The following PINX1 variants were observed in gnomAD, a reference collection of about 807,000 sequenced individuals.
The protein encoded by PINX1 is PIN2/TERF1-interacting telomerase inhibitor 1.
PINX1 carries 34 observed loss-of-function variants against 25.4 expected under a neutral mutation model. That is an observed-to-expected ratio of 1.34 (90% confidence interval 1.02 to 1.78). The LOEUF (loss-of-function observed/expected upper bound fraction) is 1.78. Ranked by LOEUF, PINX1 falls within the 40% of genes most tolerant of loss-of-function variation. The pLI is 0.00. For missense variants in PINX1, 592 were observed against 404.9 expected (o/e 1.46, Z -3.97); for synonymous variants, 197 against 147.7 (o/e 1.33, Z -2.42).
At chr8:10,796,751 C>G (rs1306954161) in intron 6 of PINX1, among the ~76,000 whole-genome samples, 2 of 151,578 alleles carry the variant, frequency 1.3e-5, no homozygotes, top group African/African-American at 4.8e-5. Flanking sequence ...AAAAAGGGTT[C>G]CAGTCAAAAA....
chr8:10,816,348 A>C (rs1158910028), intron 6 of PINX1, among the ~76,000 whole-genome samples: 2 of 152,342 alleles, frequency 1.3e-5, no homozygotes, highest in East Asian at 3.9e-4. Context: ...AAAGTTAAAG[A>C]AAAAACCCTC....
At chr8:10,794,499 A>G (rs1802024764) in intron 6 of PINX1, among the ~76,000 whole-genome samples, 1 of 151,966 alleles carries the variant, frequency 6.6e-6, no homozygotes, top group African/African-American at 2.4e-5. Flanking sequence ...CACTAGCGCA[A>G]TCTCAGCTCA....
chr8:10,802,656 C>T (rs552250431), intron 6 of PINX1, among the ~76,000 whole-genome samples: 3 of 152,134 alleles, frequency 2.0e-5, no homozygotes, highest in Admixed American at 1.3e-4. Flanking sequence ...GGCAGGGGCC[C>T]GGTGGAACCA....
At chr8:10,819,874 A>G (rs1457221735) in intron 6 of PINX1, among the ~76,000 whole-genome samples, 1 of 152,198 alleles carries the variant, frequency 6.6e-6, no homozygotes, top group Non-Finnish European at 1.5e-5. Flanking sequence ...CTTCTCGGCC[A>G]TGGAAGAGAT....
chr8:10,819,727 T>C (rs1044339846), intron 6 of PINX1, among the ~76,000 whole-genome samples: 1 of 152,188 alleles, frequency 6.6e-6, no homozygotes, highest in Non-Finnish European at 1.5e-5. Flanking sequence ...CCCTTATAGA[T>C]GGTGCTGATC....
chr8:10,830,338 T>G (rs6601533), intron 4 of PINX1, among the ~76,000 whole-genome samples: 66,213 of 151,994 alleles, frequency 0.44, 16,185 homozygotes, highest in African/African-American at 0.66. Flanking sequence ...TCCACACACG[T>G]CACTGCAATA....
intron 6 of PINX1, among the ~76,000 whole-genome samples, chr8:10,818,399 C>T (rs1023453600): frequency 1.3e-5 from 2 of 152,184 alleles, no homozygotes; most frequent in African/African-American, 2.4e-5. Context: ...AGGCACCCAA[C>T]ACCCAATAAA....
intron 6 of PINX1, among the ~76,000 whole-genome samples, chr8:10,805,426 C>G (rs529964749): frequency 7.4e-6 from 1 of 134,232 alleles, no homozygotes; most frequent in Non-Finnish European, 1.7e-5. Context: ...TGATGCTTAA[C>G]TTGCAGGAAG....
At chr8:10,816,973 C>T (rs753801371) in intron 6 of PINX1, among the ~76,000 whole-genome samples, 1 of 152,126 alleles carries the variant, frequency 6.6e-6, no homozygotes, top group African/African-American at 2.4e-5. Flanking sequence ...AAATCCAGCA[C>T]AGGGTTTGGC....
At chr8:10,824,984 C>T (rs1418762929) in intron 5 of PINX1, among the ~76,000 whole-genome samples, 2 of 152,166 alleles carry the variant, frequency 1.3e-5, no homozygotes, top group African/African-American at 2.4e-5. Context: ...AGAAGGGATA[C>T]GGGCGACAGC....
intron 6 of PINX1, among the ~76,000 whole-genome samples, chr8:10,770,105 T>A (rs1801177458): frequency 6.6e-6 from 1 of 152,206 alleles, no homozygotes; most frequent in Admixed American, 6.5e-5. Flanking sequence ...GTTTGACTGT[T>A]TTAAAGCACA....
intron 4 of PINX1, among the ~76,000 whole-genome samples, chr8:10,828,753 T>A (rs974379522): frequency 7.9e-5 from 12 of 152,244 alleles, no homozygotes; most frequent in African/African-American, 2.6e-4. Flanking sequence ...TGCACCAATC[T>A]GGCCGTCCTT....
chr8:10,809,904 T>C (rs899595422), intron 6 of PINX1, among the ~76,000 whole-genome samples: 1 of 152,228 alleles, frequency 6.6e-6, no homozygotes, highest in Admixed American at 6.5e-5. Context: ...AGAGGTTTGA[T>C]TTTGGCTCAC....
chr8:10,813,149 G>T (rs935869163), intron 6 of PINX1, among the ~76,000 whole-genome samples: 1 of 152,104 alleles, frequency 6.6e-6, no homozygotes, highest in Non-Finnish European at 1.5e-5. Flanking sequence ...TGTATTAATT[G>T]GCTTGTTTGT....
At chr8:10,782,995 C>G (rs1801636434) in intron 6 of PINX1, among the ~76,000 whole-genome samples, 1 of 152,176 alleles carries the variant, frequency 6.6e-6, no homozygotes, top group Non-Finnish European at 1.5e-5. Flanking sequence ...TAAGGGGAAA[C>G]ACACATTCCA....
At chr8:10,780,704 G>A (rs990004375) in intron 6 of PINX1, among the ~76,000 whole-genome samples, 1 of 151,412 alleles carries the variant, frequency 6.6e-6, no homozygotes, top group Non-Finnish European at 1.5e-5. Flanking sequence ...ACTGATGAAC[G>A]AAAAAGGACA....
chr8:10,839,518 G>A (rs1401588057), intron 1 of PINX1, among the ~76,000 whole-genome samples: 1 of 152,184 alleles, frequency 6.6e-6, no homozygotes, highest in Non-Finnish European at 1.5e-5. Context: ...GGCGTCTCCG[G>A]GAGACACTTG....
At position 10,769,134 on chromosome 8, in the gene PINX1, G is replaced by A. The variant is rs373007569; in HGVS notation, c.472-3218C>T. ...CTGGTTCCATATAAAATACTACCAAGAAATATGGTTAATCATCTTGCCAAA... is the reference window on the plus strand; with the variant it reads ...CTGGTTCCATATAAAATACTACCAAAAAATATGGTTAATCATCTTGCCAAA... On this transcript the variant is annotated intron_variant, in intron 6 of 6. Coordinates refer to ENST00000314787, the MANE Select transcript of PINX1 (RefSeq NM_017884.6). Among the ~76,000 whole-genome samples, 20 of 152,290 alleles carry A rather than the reference G, an allele frequency of 1.3e-4. No individual in the cohort carries two copies. In the East Asian group the frequency reaches 3.9e-3, roughly 29 times the overall value.
chr8:10,837,400 T>TTCCTTTTGCCGGCTTTGCTCTACA (rs1798435643), intron 1 of PINX1, among the ~76,000 whole-genome samples: 1 of 152,232 alleles, frequency 6.6e-6, no homozygotes, highest in African/African-American at 2.4e-5. Flanking sequence ...CGTGCATCTT[T>TTCCTTTTGCCGGCTTTGCTCTACA]TCCTTTTGCC....
Sources: gnomAD v4.1 joint callset for allele counts (sites outside exome capture counted in the v4.1 genomes callset) on GRCh38, gnomAD v4.1.1 for gene constraint, MANE v1.5 for transcripts, NCBI Gene and HGNC (gene_info 2026-07-23, HGNC 2026-07-21) for gene names.